Variants in SIKE1 observed in about 807,000 individuals in gnomAD.
SIKE1 encodes the protein suppressor of IKK epsilon.
In SIKE1, 13 loss-of-function variants were observed where a neutral mutation model predicts 25.8. The observed-to-expected ratio is 0.50, with a 90% CI of 0.33 to 0.80. The LOEUF is 0.80. Ranked by LOEUF, SIKE1 falls within the 30% of genes least tolerant of loss-of-function variation. The pLI is 0.02. For synonymous variants in SIKE1, 86 were observed against 95.5 expected (o/e 0.90, Z 0.58); for missense variants, 222 against 252.4 (o/e 0.88, Z 0.82).
intron 4 of SIKE1, among the ~76,000 whole-genome samples, chr1:114,775,048 C>T (rs1488655106): frequency 6.6e-6 from 1 of 152,070 alleles, no homozygotes; most frequent in Non-Finnish European, 1.5e-5. Context: ...AGAATTTGCC[C>T]CACATTTCCT....
Position 114,773,509 on chromosome 1 carries a change from G to A in SIKE1, c.*762C>T, listed in dbSNP as rs1413722089. On this transcript the variant is annotated 3_prime_UTR_variant, in exon 5 of 5. Coordinates refer to ENST00000060969, the MANE Select transcript of SIKE1 (RefSeq NM_025073.3). ...TTTTTTTATTTTGTGTGTGTTTTTG[G>A]CTGATTATATTTAATAAAAGCTACT... 1.3e-5 allele frequency: 2 copies of A among 152,048 alleles called. No homozygotes were observed. The highest frequency in any genetic ancestry group is 2.4e-5 in the African/African-American group (1 of 41,388). 9.4% of individuals were successfully genotyped at this position (152,048 alleles called of 1,614,324 possible). A position where few individuals can be genotyped will look rare whatever the true frequency, so the allele number is the denominator to read the frequency against.
rs1267275887 is a variant in SIKE1, at chr1:114,771,265, A to G, written c.*3006T>C. The G allele has an allele frequency of 3.7e-4, 56 of 152,252 alleles. No individual in the cohort carries two copies. Among genetic ancestry groups the G allele is most frequent in the Admixed American group, 3.7e-3 (56 of 15,286 alleles). The allele number at this position is 152,252 out of a possible 1,614,324, so 9.4% of individuals were successfully genotyped here. ...CAGCTACACCATTCTAGAAAATAAT[A>G]TCTCATTAGTTAAGACTCCATTTAT... On this transcript the variant is annotated 3_prime_UTR_variant, in exon 5 of 5. Coordinates refer to ENST00000060969, the MANE Select transcript of SIKE1 (RefSeq NM_025073.3).
chr1:114,779,119 C>A, intron 3 of SIKE1, 23 bp downstream of exon 3: 2 of 1,611,418 alleles, frequency 1.2e-6, no homozygotes, highest in Non-Finnish European at 1.7e-6. Context: ...TGGTTCATTT[C>A]GAATTTATTC....
At chr1:114,776,042 A>C (rs1268597351) in intron 4 of SIKE1, among the ~76,000 whole-genome samples, 1 of 152,080 alleles carries the variant, frequency 6.6e-6, no homozygotes, top group Admixed American at 6.6e-5. Context: ...TATCTACTTC[A>C]CTTCTTATTA....
At chr1:114,775,267 G>A (rs1163703425) in intron 4 of SIKE1, among the ~76,000 whole-genome samples, 1 of 152,168 alleles carries the variant, frequency 6.6e-6, no homozygotes, top group African/African-American at 2.4e-5. Context: ...CCCAGCTAGA[G>A]TAACTAAGAG....
At chr1:114,774,503 CT>C in intron 4 of SIKE1, 131 bp from the exon 5 acceptor site, 1 of 586,080 alleles carries the variant, frequency 1.7e-6, no homozygotes, top group Non-Finnish European at 3.0e-6. Context: ...AAAAAATCCA[CT>C]AGTTGAGAAT....
chr1:114,775,770 G>A (rs1466210147), intron 4 of SIKE1, among the ~76,000 whole-genome samples: 2 of 152,092 alleles, frequency 1.3e-5, no homozygotes, highest in Non-Finnish European at 2.9e-5. Flanking sequence ...GCCTCTCAAA[G>A]TTGAAATGTT....
intron 3 of SIKE1, among the ~76,000 whole-genome samples, chr1:114,778,776 A>G (rs1346064996): frequency 2.0e-5 from 3 of 152,234 alleles, no homozygotes; most frequent in Admixed American, 2.0e-4. Context: ...CTATAATCCC[A>G]GCACTTTGGA....
In SIKE1 at chr1:114,770,825, C is replaced by T. The variant is rs1662049149; in HGVS notation, c.*3446G>A. The T allele has an allele frequency of 6.6e-6, 1 of 152,260 alleles. No homozygotes were observed. Among genetic ancestry groups the T allele is most frequent in the African/African-American group, 2.4e-5 (1 of 41,470 alleles). 9.4% of individuals were successfully genotyped at this position (152,260 alleles called of 1,614,324 possible). On this transcript the variant is annotated 3_prime_UTR_variant, in exon 5 of 5. Coordinates refer to ENST00000060969, the MANE Select transcript of SIKE1 (RefSeq NM_025073.3). ...ACAATATAAAGTCACAGACATGTCA[C>T]AGTCACAGACACTGTTAATTGCTTT... is the stretch of plus-strand genomic sequence containing the variant.
chr1:114,776,508 G>T, intron 3 of SIKE1, 49 bp from the exon 4 acceptor site: 5 of 1,196,754 alleles, frequency 4.2e-6, no homozygotes, highest in Non-Finnish European at 6.2e-6. Flanking sequence ...CTGTTCTGTA[G>T]ATATAAAGAA....
In SIKE1 at chr1:114,769,888, C is replaced by T. The variant is rs1438890371; in HGVS notation, c.*4383G>A. ...AATTTATTTGCATTCCCCATTTACC[C>T]TTTTATAAGCATCAAATATTACATT... On this transcript the variant is annotated 3_prime_UTR_variant, in exon 5 of 5. Coordinates refer to ENST00000060969, the MANE Select transcript of SIKE1 (RefSeq NM_025073.3). 6 of 152,032 alleles carry T rather than the reference C, an allele frequency of 3.9e-5. No individual in the cohort carries two copies. The highest frequency in any genetic ancestry group is 8.8e-5 in the Non-Finnish European group (6 of 68,020). The allele number at this position is 152,032 out of a possible 1,614,324, so 9.4% of individuals were successfully genotyped here.
Position 114,776,220 on chromosome 1 carries a change from G to C in SIKE1, c.522+126C>G, listed in dbSNP as rs565979468. 2.7e-5 allele frequency: 18 copies of C among 659,684 alleles called. No homozygotes were observed. The South Asian group carries it at 3.1e-4, about 11-fold the overall frequency. 40.9% of individuals were successfully genotyped at this position (659,684 alleles called of 1,614,324 possible). A position where few individuals can be genotyped will look rare whatever the true frequency, so the allele number is the denominator to read the frequency against. On this transcript the variant is annotated intron_variant, in intron 4 of 4. Transcript: ENST00000060969. The stretch of plus-strand genomic sequence containing the variant: ...GGGTATAAAAGGGTATGAAGGAGGA[G>C]TTTTAATTTTAAATCATGAGCACAC...
At chr1:114,775,954 T>G (rs1348201415) in intron 4 of SIKE1, among the ~76,000 whole-genome samples, 1 of 152,224 alleles carries the variant, frequency 6.6e-6, no homozygotes, top group Non-Finnish European at 1.5e-5. Flanking sequence ...CACTTTTATC[T>G]ATTTCTTTTG....
In SIKE1 at chr1:114,771,584, T is replaced by C. The variant is rs148476753; in HGVS notation, c.*2687A>G. On this transcript the variant is annotated 3_prime_UTR_variant, in exon 5 of 5. Coordinates refer to ENST00000060969, the MANE Select transcript of SIKE1 (RefSeq NM_025073.3). ...GCACTCAATAGATGGTAGCTATTAT[T>C]GGCAATACCATACATACTTTGCTTT... 1 of 152,330 alleles carries C rather than the reference T, an allele frequency of 6.6e-6. No homozygotes were observed. Among genetic ancestry groups the C allele is most frequent in the African/African-American group, 2.4e-5 (1 of 41,574 alleles). The allele number at this position is 152,330 out of a possible 1,614,324, so 9.4% of individuals were successfully genotyped here. A position where few individuals can be genotyped will look rare whatever the true frequency, so the allele number is the denominator to read the frequency against.
At position 114,773,742 on chromosome 1, in the gene SIKE1, T is replaced by C. The variant is rs1424786399; in HGVS notation, c.*529A>G. 2 of 152,638 alleles carry C rather than the reference T, an allele frequency of 1.3e-5. No homozygotes were observed. The highest frequency in any genetic ancestry group is 6.5e-5 in the Admixed American group (1 of 15,280). 9.5% of individuals were successfully genotyped at this position (152,638 alleles called of 1,614,324 possible). Reference sequence around the variant, plus strand: ...AGGCACCAGGCTATAAAGTGCCAATTCTTAGCACCAGAGAGACTTAAAATG... The same window carrying C: ...AGGCACCAGGCTATAAAGTGCCAATCCTTAGCACCAGAGAGACTTAAAATG... On this transcript the variant is annotated 3_prime_UTR_variant, in exon 5 of 5. Transcript: ENST00000060969.
At position 114,772,356 on chromosome 1, in the gene SIKE1, T is replaced by C. The variant is rs895770101; in HGVS notation, c.*1915A>G. The C allele has an allele frequency of 6.6e-6, 1 of 152,194 alleles. No individual in the cohort carries two copies. Among genetic ancestry groups the C allele is most frequent in the African/African-American group, 2.4e-5 (1 of 41,446 alleles). 9.4% of individuals were successfully genotyped at this position (152,194 alleles called of 1,614,324 possible). The stretch of plus-strand genomic sequence containing the variant: ...ATCCACTTAAAATGAAGAGCATTCC[T>C]CCCCGACTCAATTTTCTAACTACAT... On this transcript the variant is annotated 3_prime_UTR_variant, in exon 5 of 5. Coordinates refer to ENST00000060969, the MANE Select transcript of SIKE1 (RefSeq NM_025073.3).
chr1:114,776,218 G>A (rs1036631214), intron 4 of SIKE1, 128 bp downstream of exon 4: 2 of 649,406 alleles, frequency 3.1e-6, no homozygotes, highest in African/African-American at 1.8e-5. Context: ...TATGAAGGAG[G>A]AGTTTTAATT....
chr1:114,775,526 C>T (rs1277478787), intron 4 of SIKE1, among the ~76,000 whole-genome samples: 2 of 132,890 alleles, frequency 1.5e-5, no homozygotes, highest in Non-Finnish European at 3.1e-5. Flanking sequence ...TTTTTTGAGA[C>T]AGGGTCTCAC....
In SIKE1 at chr1:114,778,606, C is replaced by G. The variant is rs576749465; in HGVS notation, c.408+536G>C. ...TGAGGGAGGGGGAACCTTAGTCCCA[C>G]TCAAATAAAAGGATCTGAGCAGCCC... On this transcript the variant is annotated intron_variant, in intron 3 of 4. Transcript: ENST00000060969. 9.9e-5 allele frequency among the ~76,000 whole-genome samples: 15 copies of G among 152,182 alleles called. No homozygotes were observed. The East Asian group carries it at 2.7e-3, about 27-fold the overall frequency.
Sources: allele counts gnomAD v4.1 joint callset (sites outside exome capture counted in the v4.1 genomes callset), GRCh38; gene constraint gnomAD v4.1.1; transcripts MANE v1.5; gene names NCBI Gene and HGNC (gene_info 2026-07-23, HGNC 2026-07-21).